OTOGL: variants seen among roughly 807,000 people sequenced by gnomAD.
The protein encoded by OTOGL is otogelin-like protein.
In OTOGL, 285 loss-of-function variants were observed where a neutral mutation model predicts 318.5. The observed-to-expected ratio is 0.89, with a 90% CI of 0.81 to 0.99. OTOGL has a LOEUF of 0.99. Among genes scored for constraint, OTOGL ranks in the 50% least tolerant of loss-of-function variants. OTOGL has a pLI of 0.00. For synonymous variants in OTOGL, 987 were observed against 936.5 expected (o/e 1.05, Z -0.99); for missense variants, 2,899 against 2,845.6 (o/e 1.02, Z -0.43).
At chr12:80,361,280 A>C (rs1890225088) in intron 52 of OTOGL, 1 of 151,988 alleles carries the variant, frequency 6.6e-6, no homozygotes, top group Non-Finnish European at 1.5e-5. Flanking sequence ...AATGTCCTCC[A>C]GGTTCATCCA....
rs1555304842 is a variant in OTOGL, at chr12:80,366,511, T to TATATATATATA, written c.6268-63_6268-62insATATATATATA. The TATATATATATA allele has an allele frequency of 8.2e-3, 1,446 of 176,272 alleles. 18 individuals carry two copies. The highest frequency in any genetic ancestry group is 0.015 in the East Asian group (84 of 5,652). The allele number at this position is 176,272 out of a possible 1,614,324, so 10.9% of individuals were successfully genotyped here. A position where few individuals can be genotyped will look rare whatever the true frequency, so the allele number is the denominator to read the frequency against. On this transcript the variant is annotated intron_variant, in intron 52 of 58. Coordinates refer to ENST00000547103, the MANE Select transcript of OTOGL (RefSeq NM_001378609.3). ...ATATCAATTGTTTTATATATATAGG[T>TATATATATATA]TATATATATATATATATATAAAATA...
At chr12:80,313,100 A>G (rs1565976674) in intron 30 of OTOGL, among the ~76,000 whole-genome samples, 1 of 152,236 alleles carries the variant, frequency 6.6e-6, no homozygotes, top group African/African-American at 2.4e-5. Context: ...GGCAAAAAAG[A>G]AAGGAAAGAA....
At chr12:80,348,469 C>T (rs928795697) in intron 44 of OTOGL, among the ~76,000 whole-genome samples, 1 of 152,078 alleles carries the variant, frequency 6.6e-6, no homozygotes, top group South Asian at 2.1e-4. Flanking sequence ...TGTTCTGTTC[C>T]ATTGGTCTAT....
intron 27 of OTOGL, among the ~76,000 whole-genome samples, chr12:80,297,418 G>T (rs1379266849): frequency 6.8e-6 from 1 of 147,788 alleles, no homozygotes; most frequent in Non-Finnish European, 1.5e-5. Context: ...CTCAACCTCC[G>T]CCTCCTGGGT....
intron 1 of OTOGL, among the ~76,000 whole-genome samples, chr12:80,120,925 TC>T (rs1406009609): frequency 5.3e-5 from 8 of 152,194 alleles, no homozygotes; most frequent in Non-Finnish European, 1.2e-4. Context: ...CACAACTGAT[TC>T]CTTCCCCAAG....
At chr12:80,203,494 G>A (rs1338427334) in intron 1 of OTOGL, among the ~76,000 whole-genome samples, 6 of 152,112 alleles carry the variant, frequency 3.9e-5, no homozygotes, top group Admixed American at 3.3e-4. Flanking sequence ...TTGTTGAGGG[G>A]GTGGAGGGCA....
intron 1 of OTOGL, among the ~76,000 whole-genome samples, chr12:80,169,976 T>C (rs893887133): frequency 6.6e-6 from 1 of 152,210 alleles, no homozygotes; most frequent in African/African-American, 2.4e-5. Flanking sequence ...CATTCACATG[T>C]AGATTTTTAT....
At chr12:80,134,112 A>G (rs1219268814) in intron 1 of OTOGL, among the ~76,000 whole-genome samples, 1 of 152,146 alleles carries the variant, frequency 6.6e-6, no homozygotes, top group Non-Finnish European at 1.5e-5. Flanking sequence ...TTACCATCCT[A>G]TTATTCATTT....
chr12:80,309,568 C>T (rs1024776006), intron 29 of OTOGL, among the ~76,000 whole-genome samples: 2 of 152,162 alleles, frequency 1.3e-5, no homozygotes, highest in Admixed American at 1.3e-4. Context: ...CTGCAAGATA[C>T]AAGGGCCAAG....
intron 11 of OTOGL, among the ~76,000 whole-genome samples, chr12:80,240,766 T>C (rs993014323): frequency 2.6e-5 from 4 of 152,068 alleles, no homozygotes; most frequent in African/African-American, 9.7e-5. Context: ...CTGCATTCTA[T>C]CTCAGGTTGT....
intron 18 of OTOGL, 23 bp downstream of exon 18, chr12:80,258,025 T>C: frequency 6.5e-7 from 1 of 1,536,106 alleles, no homozygotes; most frequent in Non-Finnish European, 8.7e-7. Context: ...TCTGCATAGT[T>C]AACATACTTA....
At chr12:80,194,111 C>T (rs558278657) in intron 1 of OTOGL, among the ~76,000 whole-genome samples, 51 of 152,206 alleles carry the variant, frequency 3.4e-4, no homozygotes, top group Middle Eastern at 6.8e-3. Flanking sequence ...TAAAGGAAGC[C>T]GAGGGGTCCC....
At chr12:80,318,809 T>G (rs1193566936) in intron 33 of OTOGL, 96 bp downstream of exon 33, 1 of 970,340 alleles carries the variant, frequency 1.0e-6, no homozygotes, top group East Asian at 3.3e-5. Context: ...ATGTTTATGG[T>G]ATTTTTTAAA....
intron 1 of OTOGL, among the ~76,000 whole-genome samples, chr12:80,128,275 G>C (rs1045968801): frequency 9.9e-5 from 15 of 152,234 alleles, no homozygotes; most frequent in African/African-American, 3.4e-4. Flanking sequence ...ACCCTCAGCT[G>C]CAGGTCTGCT....
intron 29 of OTOGL, among the ~76,000 whole-genome samples, chr12:80,308,860 G>A (rs12425249): frequency 0.55 from 84,049 of 151,786 alleles, 26,217 homozygotes; most frequent in East Asian, 0.88. Flanking sequence ...GCAGGCACTC[G>A]GCAAGCTGAG....
At chr12:80,132,586 T>C (rs961148755) in intron 1 of OTOGL, 5 of 152,222 alleles carry the variant, frequency 3.3e-5, no homozygotes, top group Non-Finnish European at 5.9e-5. Flanking sequence ...TATTACCTTC[T>C]CTTTCATCTC....
At chr12:80,370,349 A>G (rs10862098) in intron 55 of OTOGL, among the ~76,000 whole-genome samples, 1 of 151,760 alleles carries the variant, frequency 6.6e-6, no homozygotes, top group Admixed American at 6.6e-5. Context: ...CACACTATAC[A>G]TATGTATGTA....
At chr12:80,314,143 A>G (rs1372296454) in intron 31 of OTOGL, among the ~76,000 whole-genome samples, 162 bp from the exon 32 acceptor site, 4 of 152,134 alleles carry the variant, frequency 2.6e-5, no homozygotes, top group Non-Finnish European at 5.9e-5. Flanking sequence ...TAATTACAGC[A>G]TATCGCTTAA....
At position 80,146,476 on chromosome 12, in the gene OTOGL, A is replaced by T. The variant is rs868379752; in HGVS notation, c.-20+46871A>T. Among the ~76,000 whole-genome samples the T allele has an allele frequency of 6.8e-3, 1,036 of 151,504 alleles. 14 individuals carry two copies. The highest frequency in any genetic ancestry group is 0.024 in the African/African-American group (990 of 40,940). ...TCGTTTTGCCAGTATTTTATTGAGG[A>T]TTTTTGCATCAATATTCATCAAGGA... On this transcript the variant is annotated intron_variant, in intron 1 of 58. Coordinates refer to ENST00000547103, the MANE Select transcript of OTOGL (RefSeq NM_001378609.3).
Sources: allele counts gnomAD v4.1 joint callset (sites outside exome capture counted in the v4.1 genomes callset), GRCh38; gene constraint gnomAD v4.1.1; transcripts MANE v1.5; gene names NCBI Gene and HGNC (gene_info 2026-07-23, HGNC 2026-07-21).